Variants in BTN1A1 observed in about 807,000 individuals in gnomAD.
BTN1A1 encodes the protein butyrophilin subfamily 1 member A1, also known as bK14H9.2 (butyrophilin, subfamily 1, member A1).
BTN1A1 carries 26 observed loss-of-function variants against 33.1 expected under a neutral mutation model. That is an observed-to-expected ratio of 0.79 (90% CI 0.58 to 1.09). The LOEUF (loss-of-function observed/expected upper bound fraction) is 1.09. Among genes scored for constraint, BTN1A1 ranks in the 50% least tolerant of loss-of-function variants. The pLI is 0.00. For missense variants in BTN1A1, 558 were observed against 655.7 expected (o/e 0.85, Z 1.63); for synonymous variants, 235 against 256.2 (o/e 0.92, Z 0.79).
rs1275163710 is a variant in BTN1A1 at position 26,508,848 on chromosome 6, C to A, written c.1255C>A (p.Pro419Thr). ...LRTPLPLAGP[P>T]RRVGIFLDYE... is the part of the protein sequence containing the mutation. Reference sequence around the variant, plus strand: ...GACCCCTCTCCCATTGGCAGGGCCCCCACGCCGGGTTGGGATTTTCCTAGA... The same window carrying A: ...GACCCCTCTCCCATTGGCAGGGCCCACACGCCGGGTTGGGATTTTCCTAGA... Residue 419 changes from proline (P) to threonine (T), a missense_variant, in exon 8 of 8, where the codon CCA becomes ACA. Coordinates refer to ENST00000684113, the MANE Select transcript of BTN1A1 (RefSeq NM_001732.3). 1 of 1,614,208 alleles carries A rather than the reference C, an allele frequency of 6.2e-7. No homozygotes were observed. The highest frequency in any genetic ancestry group is 8.5e-7 in the Non-Finnish European group (1 of 1,180,038).
chr6:26,505,229 G>A, intron 4 of BTN1A1, 23 bp downstream of exon 4: 1 of 1,604,276 alleles, frequency 6.2e-7, no homozygotes, highest in Non-Finnish European at 8.5e-7. Context: ...AATGCTGCTG[G>A]ATTCCTATGT....
chr6:26,508,509 ACT>A lies in BTN1A1; in HGVS notation c.919_920del (p.Leu307GlyfsTer13), dbSNP rs1165105703. On this transcript the variant is annotated frameshift_variant, in exon 8 of 8. Transcript: ENST00000684113. LOFTEE classifies it low-confidence loss of function (END_TRUNC). The part of the protein sequence containing the change: ...KKATLHAVDV[T>X]LDPDTAHPHL... ...TGTTTCTTTCTCTCCAGTTGATGTG[ACT>A]CTGGACCCAGACACAGCTCATCCCC... 1 of 1,611,550 alleles carries A rather than the reference ACT, an allele frequency of 6.2e-7. No individual in the cohort carries two copies. Among genetic ancestry groups the A allele is most frequent in the Non-Finnish European group, 8.5e-7 (1 of 1,178,644 alleles).
In BTN1A1 at chr6:26,501,167, A is replaced by C. The variant is rs1763792926; in HGVS notation, c.-57-63A>C. ...CTTGCAGCTGGAAAGAACTGTAGAG[A>C]GGACTTTGGAAAGCGGAGGGTTGAC... is the stretch of plus-strand genomic sequence containing the variant. On this transcript the variant is annotated intron_variant, in intron 1 of 7. Transcript: ENST00000684113. The surrounding 1 kb of genome is among the most constrained non-coding windows in gnomAD (Gnocchi z 5.2). The C allele has an allele frequency of 1.2e-6, 1 of 818,708 alleles. No individual in the cohort carries two copies. Among genetic ancestry groups the C allele is most frequent in the Admixed American group, 2.0e-5 (1 of 50,344 alleles). The allele number at this position is 818,708 out of a possible 1,614,324, so 50.7% of individuals were successfully genotyped here.
chr6:26,509,482 G>T lies in BTN1A1; in HGVS notation c.*308G>T, dbSNP rs193098664. On this transcript the variant is annotated 3_prime_UTR_variant, in exon 8 of 8. Coordinates refer to ENST00000684113, the MANE Select transcript of BTN1A1 (RefSeq NM_001732.3). ...AAAGGACAGATTAGGGATCGAGATT[G>T]GGTCAGGTTAGCATGGGGTTGTGGT... The T allele has an allele frequency of 1.7e-4, 48 of 280,684 alleles. No individual in the cohort carries two copies. The highest frequency in any genetic ancestry group is 2.8e-4 in the Non-Finnish European group (42 of 150,182). 17.4% of individuals were successfully genotyped at this position (280,684 alleles called of 1,614,324 possible).
At chr6:26,503,822 G>T (rs1727251707) in intron 3 of BTN1A1, among the ~76,000 whole-genome samples, 1 of 152,012 alleles carries the variant, frequency 6.6e-6, no homozygotes, top group African/African-American at 2.4e-5. Flanking sequence ...CTTAAAGCTT[G>T]ATTATAAAAA....
In BTN1A1 at chr6:26,502,088, A is replaced by AG. The variant is rs537020423; in HGVS notation, c.427+158dup. The AG allele has an allele frequency of 1.2e-3, 1,415 of 1,211,620 alleles. 1 individual carries two copies. Among genetic ancestry groups the AG allele is most frequent in the Middle Eastern group, 3.0e-3 (13 of 4,316 alleles). 75.1% of individuals were successfully genotyped at this position (1,211,620 alleles called of 1,614,324 possible). ...GGGACGACTATCTGGGCGGGAGGCG[A>AG]GGGGGGGTAAAAGAATTTACCAAGA... On this transcript the variant is annotated intron_variant, in intron 3 of 7. Transcript: ENST00000684113.
At position 26,508,797 on chromosome 6, in the gene BTN1A1, G is replaced by A; in HGVS notation, c.1204G>A (p.Gly402Arg). 8.1e-6 allele frequency: 13 copies of A among 1,614,184 alleles called. No individual in the cohort carries two copies. The highest frequency in any genetic ancestry group is 1.1e-5 in the Non-Finnish European group (13 of 1,180,014). The change falls in exon 8 of 8, where the codon GGG becomes AGG. Residue 402 changes from glycine (G) to arginine (R), a missense_variant. Gly to Arg is a moderately radical substitution (Grantham distance 125). Coordinates refer to ENST00000684113, the MANE Select transcript of BTN1A1 (RefSeq NM_001732.3). ...CTGGGCTGTAGAGTTGTATGGAAAT[G>A]GGTACTGGGCCCTCACTCCTCTCCG... Reference protein sequence around the residue: ...GFWAVELYGNGYWALTPLRTP... With the variant: ...GFWAVELYGNRYWALTPLRTP...
Position 26,505,037 on chromosome 6 carries a change from CA to C in BTN1A1, c.542del (p.Lys181ArgfsTer26). The stretch of plus-strand genomic sequence containing the variant: ...AGCCCCAGGTGCAGTGGAGAACTTC[CA>C]AGGGAGAGAAGTTTCCATCTACATC... The part of the protein sequence containing the change: ...PEPQVQWRTS[K>X]GEKFPSTSES... On this transcript the variant is annotated frameshift_variant, in exon 4 of 8. Coordinates refer to ENST00000684113, the MANE Select transcript of BTN1A1 (RefSeq NM_001732.3). LOFTEE classifies it high-confidence loss of function. 6.2e-7 allele frequency: 1 copy of C among 1,614,130 alleles called. No homozygotes were observed.
chr6:26,508,234 G>T, intron 7 of BTN1A1, 147 bp downstream of exon 7: 1 of 1,133,812 alleles, frequency 8.8e-7, no homozygotes, highest in Non-Finnish European at 1.3e-6. Flanking sequence ...AACAGTTTCT[G>T]TGAGGCACAT....
At chr6:26,504,777 G>A in intron 3 of BTN1A1, 148 bp from the exon 4 acceptor site, 1 of 782,332 alleles carries the variant, frequency 1.3e-6, no homozygotes, top group South Asian at 1.9e-5. Flanking sequence ...CAGTTTCCTT[G>A]TATATTGAAA....
At chr6:26,503,844 G>C (rs1000092679) in intron 3 of BTN1A1, among the ~76,000 whole-genome samples, 1 of 152,032 alleles carries the variant, frequency 6.6e-6, no homozygotes, top group African/African-American at 2.4e-5. Context: ...ATAGAAATTT[G>C]ATGGCATAAA....
intron 4 of BTN1A1, 119 bp downstream of exon 4, chr6:26,505,325 C>CT: frequency 9.4e-7 from 1 of 1,063,820 alleles, no homozygotes; most frequent in African/African-American, 1.6e-5. Flanking sequence ...CACCTAAGCT[C>CT]TTTTCCAGTG....
Position 26,500,654 on chromosome 6 carries a change from C to T in BTN1A1, c.-58+296C>T, listed in dbSNP as rs151271535. 9.5e-4 allele frequency among the ~76,000 whole-genome samples: 144 copies of T among 152,282 alleles called. 6 individuals carry two copies. In the East Asian group the frequency reaches 0.026, roughly 27 times the overall value. ...GACTTTGGCCAGGCACGGTGGCTCA[C>T]GCCTGTAATCCCAGCACTTTGGGAG... On this transcript the variant is annotated intron_variant, in intron 1 of 7. Transcript: ENST00000684113.
chr6:26,508,163 T>C, intron 7 of BTN1A1, 76 bp downstream of exon 7: 3 of 1,475,322 alleles, frequency 2.0e-6, no homozygotes, highest in Non-Finnish European at 2.8e-6. Context: ...TACTTGGAAA[T>C]GAAAACACTA....
rs762605703 is a variant in BTN1A1 at position 26,501,735 on chromosome 6, G to A, written c.225G>A (p.Leu75=). 6.2e-7 allele frequency: 1 copy of A among 1,613,888 alleles called. No individual in the cohort carries two copies. Among genetic ancestry groups the A allele is most frequent in the Non-Finnish European group, 8.5e-7 (1 of 1,180,012 alleles). The change falls in exon 3 of 8, where the codon CTG becomes CTA. Residue 75 remains leucine (L), a synonymous_variant. Transcript: ENST00000684113. This position sits in a 1 kb window ranked among gnomAD's most constrained non-coding sequence, Gnocchi z 5.2. ...WFRKKVSPAV[L]VHRDGREQEA... is the part of the protein sequence containing the mutation. The stretch of plus-strand genomic sequence containing the variant: ...GAAAGAAGGTTTCGCCGGCCGTGCT[G>A]GTGCATAGGGACGGGCGCGAGCAGG...
At chr6:26,504,892 C>T (rs1413537065) in intron 3 of BTN1A1, 33 bp from the exon 4 acceptor site, 2 of 1,603,260 alleles carry the variant, frequency 1.2e-6, no homozygotes, top group Non-Finnish European at 1.7e-6. Flanking sequence ...AAGGGGTCCG[C>T]TAAAACATTA....
In BTN1A1 at chr6:26,508,918, C is replaced by T. The variant is rs770197740; in HGVS notation, c.1325C>T (p.Ser442Phe). The change falls in exon 8 of 8, where the codon TCT becomes TTT. Residue 442 changes from serine (S) to phenylalanine (F), a missense_variant. Coordinates refer to ENST00000684113, the MANE Select transcript of BTN1A1 (RefSeq NM_001732.3). ...TCCTTCTACAACATGAATGATGGAT[C>T]TGATATCTATACTTTCTCCAATGTC... is the stretch of plus-strand genomic sequence containing the variant. ...DISFYNMNDG[S>F]DIYTFSNVTF... 20 of 1,614,100 alleles carry T rather than the reference C, an allele frequency of 1.2e-5. No homozygotes were observed. The highest frequency in any genetic ancestry group is 5.0e-5 in the Admixed American group (3 of 60,002).
At chr6:26,506,935 T>C in intron 5 of BTN1A1, 103 bp downstream of exon 5, 2 of 1,421,224 alleles carry the variant, frequency 1.4e-6, no homozygotes, top group Non-Finnish European at 1.9e-6. Context: ...AGGAAGATAT[T>C]TGAGGCTGGG....
In BTN1A1 at chr6:26,508,120, G is replaced by A. The variant is rs552129773; in HGVS notation, c.907+33G>A. The stretch of plus-strand genomic sequence containing the variant: ...GCTCTGAACTTCTCTAGGGCTCTGA[G>A]GCTCTATCCCCTAGGAATTCAAAGT... On this transcript the variant is annotated intron_variant, in intron 7 of 7. Coordinates refer to ENST00000684113, the MANE Select transcript of BTN1A1 (RefSeq NM_001732.3). The A allele has an allele frequency of 1.9e-6, 3 of 1,580,314 alleles. No individual in the cohort carries two copies. The African/African-American group carries it at 4.1e-5, about 22-fold the overall frequency.
Sources: allele counts gnomAD v4.1 joint callset (sites outside exome capture counted in the v4.1 genomes callset), GRCh38; gene constraint gnomAD v4.1.1; non-coding constraint Gnocchi (gnomAD v3.1); transcripts MANE v1.5; gene names NCBI Gene and HGNC (gene_info 2026-07-23, HGNC 2026-07-21).